Variants in DPP10 observed in about 807,000 individuals in gnomAD.
The protein encoded by DPP10 is inactive dipeptidyl peptidase 10.
Under a neutral mutation model 120.9 loss-of-function variants are expected in DPP10, and 33 were observed. That is an observed-to-expected ratio of 0.27 (90% CI 0.21 to 0.37). The LOEUF is 0.37. DPP10 is among the 10% of genes least tolerant of loss of function. The pLI, the probability that DPP10 is intolerant of heterozygous loss-of-function variation, is 1.00. For synonymous variants in DPP10, 337 were observed against 326.1 expected (o/e 1.03, Z -0.36); for missense variants, 816 against 942.8 (o/e 0.87, Z 1.76).
At chr2:114,923,386 G>A (rs940896444) in intron 1 of DPP10, among the ~76,000 whole-genome samples, 1 of 148,444 alleles carries the variant, frequency 6.7e-6, no homozygotes, top group Non-Finnish European at 1.5e-5. Flanking sequence ...GTTTCACCAT[G>A]TTGGCCAGGC....
chr2:114,499,065 T>C lies in DPP10; in HGVS notation c.60+56227T>C, dbSNP rs896774380. 8.5e-5 allele frequency among the ~76,000 whole-genome samples: 13 copies of C among 152,314 alleles called. No individual in the cohort carries two copies. The East Asian group carries it at 2.1e-3, about 25-fold the overall frequency. ...GCCAGGAACAGAAAGACAAATCCCA[T>C]AGTCCTGAAGTCAAATTTTTGCTGC... On this transcript the variant is annotated intron_variant, in intron 1 of 25. Transcript: ENST00000410059.
intron 7 of DPP10, among the ~76,000 whole-genome samples, chr2:115,711,938 T>TG (rs1559061150): frequency 3.1e-5 from 4 of 129,332 alleles, no homozygotes; most frequent in Non-Finnish European, 6.6e-5. Context: ...TTTTTTTTTT[T>TG]GGAATCATTG....
At chr2:115,462,208 G>C (rs1254774053) in intron 3 of DPP10, among the ~76,000 whole-genome samples, 1 of 152,024 alleles carries the variant, frequency 6.6e-6, no homozygotes, top group Non-Finnish European at 1.5e-5. Context: ...ATTCCTCTAT[G>C]CCTCCCTTTT....
intron 1 of DPP10, among the ~76,000 whole-genome samples, chr2:114,986,409 A>G (rs922382654): frequency 6.6e-6 from 1 of 152,210 alleles, no homozygotes; most frequent in African/African-American, 2.4e-5. Flanking sequence ...AGGTCATTGC[A>G]TTAATGTTCT....
intron 2 of DPP10, among the ~76,000 whole-genome samples, chr2:115,322,153 C>A (rs2062094307): frequency 1.3e-5 from 2 of 151,938 alleles, no homozygotes; most frequent in Non-Finnish European, 2.9e-5. Context: ...CAGTTTGGAA[C>A]TCTTATAATC....
At chr2:115,163,005 C>T (rs1404647915) in intron 1 of DPP10, among the ~76,000 whole-genome samples, 1 of 152,114 alleles carries the variant, frequency 6.6e-6, no homozygotes, top group Non-Finnish European at 1.5e-5. Context: ...GCAGAGAGAG[C>T]TGCACTTAGG....
At chr2:115,750,511 G>A (rs897062206) in intron 10 of DPP10, among the ~76,000 whole-genome samples, 1 of 152,130 alleles carries the variant, frequency 6.6e-6, no homozygotes, top group Non-Finnish European at 1.5e-5. Context: ...CCATGTGCAA[G>A]GTCATTCTTG....
chr2:115,275,124 A>G (rs76884400), intron 1 of DPP10, among the ~76,000 whole-genome samples: 79 of 152,360 alleles, frequency 5.2e-4, no homozygotes, highest in Non-Finnish European at 1.0e-3. Flanking sequence ...ACAGCCACCT[A>G]TAATTGAAAG....
At chr2:115,107,929 T>G (rs916789178) in intron 1 of DPP10, among the ~76,000 whole-genome samples, 1 of 152,148 alleles carries the variant, frequency 6.6e-6, no homozygotes, top group South Asian at 2.1e-4. Flanking sequence ...AACCTTTATT[T>G]TTTTCCAAAT....
At chr2:115,517,535 T>C (rs1302553971) in intron 4 of DPP10, among the ~76,000 whole-genome samples, 2 of 152,196 alleles carry the variant, frequency 1.3e-5, no homozygotes, top group Non-Finnish European at 1.5e-5. Flanking sequence ...CATATTTGCA[T>C]TTAACCTGTA....
chr2:114,738,176 A>G (rs557508846), intron 1 of DPP10, among the ~76,000 whole-genome samples: 7 of 151,880 alleles, frequency 4.6e-5, no homozygotes, highest in African/African-American at 1.7e-4. Context: ...TGATTCAATC[A>G]CCTCCCACCA....
chr2:115,785,118 A>T (rs1471190588), intron 17 of DPP10, among the ~76,000 whole-genome samples: 5 of 152,170 alleles, frequency 3.3e-5, no homozygotes, highest in Admixed American at 3.3e-4. Flanking sequence ...CATGGCTTCC[A>T]ACTGGATTCA....
At chr2:114,632,591 C>A (rs193062769) in intron 1 of DPP10, among the ~76,000 whole-genome samples, 1 of 140,716 alleles carries the variant, frequency 7.1e-6, no homozygotes, top group Admixed American at 7.6e-5. Context: ...CGGCTCACTG[C>A]AAGCTCTGCG....
intron 1 of DPP10, among the ~76,000 whole-genome samples, chr2:114,851,105 G>C (rs1234607549): frequency 6.6e-6 from 1 of 151,892 alleles, no homozygotes; most frequent in East Asian, 1.9e-4. Flanking sequence ...TTTTATTATA[G>C]ACAGGATAAA....
intron 1 of DPP10, among the ~76,000 whole-genome samples, chr2:114,521,027 C>G (rs1302433841): frequency 6.6e-6 from 1 of 151,824 alleles, no homozygotes; most frequent in Non-Finnish European, 1.5e-5. Flanking sequence ...CCAAGAAGCA[C>G]CGTGAGCAGA....
intron 1 of DPP10, among the ~76,000 whole-genome samples, chr2:114,629,044 G>A (rs1694722914): frequency 6.6e-6 from 1 of 152,074 alleles, no homozygotes; most frequent in African/African-American, 2.4e-5. Context: ...GACAGCTGGT[G>A]GATCATGTTG....
intron 1 of DPP10, among the ~76,000 whole-genome samples, chr2:114,519,630 A>G (rs1410156628): frequency 1.3e-5 from 2 of 152,346 alleles, no homozygotes; most frequent in Admixed American, 1.3e-4. Context: ...TTTGCATTCT[A>G]TAGGAAAATA....
intron 1 of DPP10, among the ~76,000 whole-genome samples, chr2:115,133,110 T>C (rs2050442532): frequency 1.0e-5 from 1 of 99,388 alleles, no homozygotes; most frequent in African/African-American, 3.8e-5. Flanking sequence ...TATATATGTA[T>C]ATGTATGTGT....
intron 1 of DPP10, among the ~76,000 whole-genome samples, chr2:114,531,601 CAT>C (rs35634790): frequency 0.069 from 9,967 of 144,940 alleles, 355 homozygotes; most frequent in Middle Eastern, 0.12. Flanking sequence ...AAAATGAATA[CAT>C]ATATATATAT....
Sources: allele counts gnomAD v4.1 joint callset (sites outside exome capture counted in the v4.1 genomes callset), GRCh38; gene constraint gnomAD v4.1.1; transcripts MANE v1.5; gene names NCBI Gene and HGNC (gene_info 2026-07-23, HGNC 2026-07-21).